The following LRRC9 variants were observed in gnomAD, a reference collection of about 807,000 sequenced individuals.
The protein encoded by LRRC9 is leucine rich repeat containing 9.
LRRC9 carries 122 observed loss-of-function variants against 63.2 expected under a neutral mutation model. The observed-to-expected ratio is 1.93, with a 90% CI of 1.67 to 2.24. LRRC9 has a LOEUF of 2.24. LRRC9 is among the 30% of genes most tolerant of loss of function. The pLI, the probability that LRRC9 is intolerant of heterozygous loss-of-function variation, is 0.00. For synonymous variants in LRRC9, 366 were observed against 213.1 expected (o/e 1.72, Z -6.25); for missense variants, 1,071 against 627.7 (o/e 1.71, Z -7.55).
intron 31 of LRRC9, 149 bp from the exon 33 acceptor site, chr14:60,063,174 T>TG: frequency 1.7e-6 from 1 of 577,452 alleles, no homozygotes; most frequent in Non-Finnish European, 3.1e-6. Flanking sequence ...GGATTACAGG[T>TG]GTGAGCCACC....
At chr14:59,933,995 T>A (rs1889922379) in intron 6 of LRRC9, among the ~76,000 whole-genome samples, 1 of 152,148 alleles carries the variant, frequency 6.6e-6, no homozygotes, top group Non-Finnish European at 1.5e-5. Flanking sequence ...GAAAGTGATA[T>A]GATCAGAAAT....
Position 59,948,461 on chromosome 14 carries a change from C to A in LRRC9, c.882+3717C>A, listed in dbSNP as rs1302301098. 1.4e-3 allele frequency among the ~76,000 whole-genome samples: 190 copies of A among 132,548 alleles called. 12 individuals are homozygous for A. In the East Asian group the frequency reaches 0.044, roughly 30 times the overall value. 87.0% of individuals were successfully genotyped at this position (132,548 alleles called of 152,430 possible). ...CAATCATGTCATCTGCAAACAGGGA[C>A]AATTTGACTTCCTCTTTTCCTAATT... On this transcript the variant is annotated intron_variant, in intron 8 of 31. Coordinates refer to ENST00000445360, the Ensembl canonical transcript of LRRC9.
In LRRC9 at chr14:59,967,092, T is replaced by A. The variant is rs1884940326; in HGVS notation, c.1389-4T>A. 1.6e-6 allele frequency: 1 copy of A among 627,332 alleles called. No homozygotes were observed. The highest frequency in any genetic ancestry group is 3.0e-6 in the Non-Finnish European group (1 of 335,946). 38.9% of individuals were successfully genotyped at this position (627,332 alleles called of 1,614,324 possible). On this transcript the variant is annotated splice_region_variant and splice_polypyrimidine_tract_variant and intron_variant, in intron 11 of 31. Coordinates refer to ENST00000445360, the Ensembl canonical transcript of LRRC9. ...AAACTTTTTCTGTTTCAATTATTCT[T>A]AAGGAGCTACCGAAGGATGCTGGAA...
At chr14:60,019,863 ATC>A (rs1267650269) in intron 26 of LRRC9, among the ~76,000 whole-genome samples, 1 of 13,978 alleles carries the variant, frequency 7.2e-5, no homozygotes, top group Non-Finnish European at 7.9e-4. Flanking sequence ...TATAATACAT[ATC>A]ATATATATGA....
chr14:60,026,257 T>C (rs1302740796), intron 27 of LRRC9, among the ~76,000 whole-genome samples: 1 of 152,102 alleles, frequency 6.6e-6, no homozygotes, highest in Admixed American at 6.6e-5. Flanking sequence ...TACCCCTTTC[T>C]CTATATCCTT....
chr14:59,983,735 G>A (rs1402820757), intron 16 of LRRC9, among the ~76,000 whole-genome samples: 2 of 152,122 alleles, frequency 1.3e-5, no homozygotes, highest in African/African-American at 4.8e-5. Flanking sequence ...GGCTGGAAGA[G>A]TATGAGGTTG....
intron 15 of LRRC9, among the ~76,000 whole-genome samples, chr14:59,979,158 G>A (rs1886639596): frequency 1.3e-5 from 2 of 152,054 alleles, no homozygotes; most frequent in Middle Eastern, 3.2e-3. Flanking sequence ...TGCAATCCCA[G>A]GAGTTCAAGG....
chr14:59,988,574 A>T (rs1218040874), intron 17 of LRRC9, among the ~76,000 whole-genome samples: 1 of 152,166 alleles, frequency 6.6e-6, no homozygotes, highest in Non-Finnish European at 1.5e-5. Context: ...TGTCATAATG[A>T]CAGTACTTAT....
In LRRC9 at chr14:60,005,769, A is replaced by C. The variant is rs79425915; in HGVS notation, c.2843-628A>C. 3.4e-3 allele frequency among the ~76,000 whole-genome samples: 513 copies of C among 152,244 alleles called. 17 individuals are homozygous for C. The East Asian group carries it at 0.057, about 17-fold the overall frequency. Reference sequence around the variant, plus strand: ...GAGGTTACACAATTTATGTATCGCCACAAACCTAGTAGTGATATATTTGAA... The same window carrying C: ...GAGGTTACACAATTTATGTATCGCCCCAAACCTAGTAGTGATATATTTGAA... On this transcript the variant is annotated intron_variant, in intron 21 of 31. Transcript: ENST00000445360.
At chr14:60,005,905 A>G (rs1357821825) in intron 21 of LRRC9, among the ~76,000 whole-genome samples, 1 of 152,072 alleles carries the variant, frequency 6.6e-6, no homozygotes, top group Non-Finnish European at 1.5e-5. Flanking sequence ...CCATTTTCCA[A>G]ACTTCCATCT....
At position 60,053,420 on chromosome 14, in the gene LRRC9, C is replaced by CACACACACAT. The variant is rs989713744; in HGVS notation, c.4131+216_4131+217insCACACACATA. Among the ~76,000 whole-genome samples, 1 of 22,846 alleles carries CACACACACAT rather than the reference C, an allele frequency of 4.4e-5. No homozygotes were observed. The highest frequency in any genetic ancestry group is 8.5e-5 in the African/African-American group (1 of 11,778). The allele number at this position is 22,846 out of a possible 152,430, so 15.0% of individuals were successfully genotyped here. On this transcript the variant is annotated intron_variant, in intron 30 of 31. Transcript: ENST00000445360. The surrounding 1 kb of genome is among the most constrained non-coding windows in gnomAD (Gnocchi z 4.8). ...ACACACACACACACACACACACACACATATATATGTAAGTCAGGGAACATC... is the reference window on the plus strand; with the variant it reads ...ACACACACACACACACACACACACACACACACACATATATATATGTAAGTCAGGGAACATC...
At chr14:60,016,039 T>C (rs1437600399) in intron 23 of LRRC9, among the ~76,000 whole-genome samples, 1 of 152,138 alleles carries the variant, frequency 6.6e-6, no homozygotes, top group African/African-American at 2.4e-5. Flanking sequence ...CTTTGTCTTG[T>C]TATTTCCTTA....
intron 20 of LRRC9, 31 bp downstream of exon 20, chr14:60,002,131 A>G (rs1474338275): frequency 1.5e-6 from 1 of 676,742 alleles, no homozygotes; most frequent in South Asian, 1.6e-5. Flanking sequence ...ACCTAATATA[A>G]AGCTTAATTT....
At chr14:59,972,986 T>G (rs1421433263) in intron 12 of LRRC9, among the ~76,000 whole-genome samples, 1 of 152,140 alleles carries the variant, frequency 6.6e-6, no homozygotes, top group African/African-American at 2.4e-5. Flanking sequence ...TTTGTGTGCA[T>G]TTTTCTACTA....
At chr14:59,993,393 A>G (rs1395605858) in intron 17 of LRRC9, among the ~76,000 whole-genome samples, 2 of 152,258 alleles carry the variant, frequency 1.3e-5, no homozygotes, top group African/African-American at 4.8e-5. Context: ...GCTAGGAAGA[A>G]ACTGCATCAA....
intron 23 of LRRC9, 63 bp downstream of exon 23, chr14:60,008,277 T>C (rs992822982): frequency 1.7e-5 from 10 of 578,818 alleles, no homozygotes; most frequent in South Asian, 4.4e-5. Context: ...TTATAGGACA[T>C]AGTCATTTTG....
intron 30 of LRRC9, among the ~76,000 whole-genome samples, chr14:60,055,375 T>C (rs1228603328): frequency 6.6e-6 from 1 of 152,190 alleles, no homozygotes; most frequent in Non-Finnish European, 1.5e-5. Context: ...AGAGAGCAAA[T>C]GGTCAAATAA....
exon 6 of LRRC9, chr14:59,931,989 G>A (rs1415682116): frequency 1.4e-6 from 1 of 700,142 alleles, no homozygotes; most frequent in South Asian, 1.5e-5. Flanking sequence ...TGACTCCAAT[G>A]AACAACTGGA....
intron 8 of LRRC9, among the ~76,000 whole-genome samples, chr14:59,959,462 T>C (rs1240527908): frequency 6.6e-6 from 1 of 152,264 alleles, no homozygotes; most frequent in African/African-American, 2.4e-5. Flanking sequence ...TAAATATTTG[T>C]ACTAAAATCA....
Sources: gnomAD v4.1 joint callset for allele counts (sites outside exome capture counted in the v4.1 genomes callset) on GRCh38, gnomAD v4.1.1 for gene constraint, Gnocchi (gnomAD v3.1) non-coding constraint, MANE v1.5 for transcripts, NCBI Gene and HGNC (gene_info 2026-07-23, HGNC 2026-07-21) for gene names.